The following ZDHHC14 variants were observed in gnomAD, a reference collection of about 807,000 sequenced individuals.
The protein encoded by ZDHHC14 is palmitoyltransferase ZDHHC14.
ZDHHC14 carries 16 observed loss-of-function variants against 47.7 expected under a neutral mutation model. That is an observed-to-expected ratio of 0.34 (90% confidence interval 0.23 to 0.51). The LOEUF is 0.51. ZDHHC14 is among the 20% of genes least tolerant of loss of function. The probability of loss-of-function intolerance (pLI) is 0.97; values close to 1 mark genes in which losing one functional copy is unlikely to be tolerated. For missense variants in ZDHHC14, 515 were observed against 662.5 expected, an observed-to-expected ratio of 0.78 and a Z score of 2.44; for synonymous variants, 293 against 278.9, an observed-to-expected ratio of 1.05 and a Z score of -0.50.
chr6:157,565,879 C>G (rs966293424), intron 2 of ZDHHC14, among the ~76,000 whole-genome samples: 1 of 151,972 alleles, frequency 6.6e-6, no homozygotes, highest in South Asian at 2.1e-4. Flanking sequence ...AGGAACCTCT[C>G]TCTCCAGCCC....
chr6:157,646,478 T>C (rs986673976), intron 6 of ZDHHC14: 2 of 152,062 alleles, frequency 1.3e-5, no homozygotes, highest in African/African-American at 4.8e-5. Flanking sequence ...CCGGGTGTGG[T>C]GGCAGGCGCT....
chr6:157,399,642 C>T (rs1159910420), intron 1 of ZDHHC14, among the ~76,000 whole-genome samples: 1 of 152,262 alleles, frequency 6.6e-6, no homozygotes, highest in Non-Finnish European at 1.5e-5. Context: ...GACTTCCCAC[C>T]ACTGGAGCGG....
At chr6:157,567,964 G>A (rs1015532951) in intron 2 of ZDHHC14, among the ~76,000 whole-genome samples, 3 of 152,164 alleles carry the variant, frequency 2.0e-5, no homozygotes, top group Admixed American at 1.3e-4. Flanking sequence ...AGCTGCAGGT[G>A]GCCCCAATGA....
chr6:157,628,956 A>G (rs971665175), intron 4 of ZDHHC14, among the ~76,000 whole-genome samples: 21 of 152,256 alleles, frequency 1.4e-4, no homozygotes, highest in African/African-American at 4.6e-4. Context: ...CACCCTCCCT[A>G]GAAAAGATGT....
chr6:157,671,021 C>A (rs370605187), intron 8 of ZDHHC14, among the ~76,000 whole-genome samples: 4 of 152,098 alleles, frequency 2.6e-5, no homozygotes, highest in Admixed American at 1.3e-4. Context: ...CTCAAGGCTG[C>A]GTTGTGCATG....
chr6:157,532,348 T>C (rs752918187), intron 1 of ZDHHC14, among the ~76,000 whole-genome samples: 2 of 152,278 alleles, frequency 1.3e-5, no homozygotes, highest in Non-Finnish European at 2.9e-5. Context: ...ACTGATGAGC[T>C]ATCCAGCGTT....
chr6:157,410,033 G>GT, intron 1 of ZDHHC14, among the ~76,000 whole-genome samples: 2 of 152,048 alleles, frequency 1.3e-5, no homozygotes, highest in Non-Finnish European at 2.9e-5. Flanking sequence ...GTATCACCAT[G>GT]TTGGCCAGGC....
intron 4 of ZDHHC14, among the ~76,000 whole-genome samples, chr6:157,629,166 T>G (rs542539675): frequency 2.7e-4 from 41 of 152,354 alleles, no homozygotes; most frequent in Non-Finnish European, 4.3e-4. Context: ...CATTTTTTCA[T>G]TTTCCATTCT....
At position 157,649,350 on chromosome 6, in the gene ZDHHC14, G is replaced by A. The variant is rs371623040; in HGVS notation, c.965+1982G>A. On this transcript the variant is annotated intron_variant, in intron 7 of 8. Coordinates refer to ENST00000359775, the MANE Select transcript of ZDHHC14 (RefSeq NM_024630.3). ...ACATTTGCTTTGTTAAAGTGGGGCC[G>A]TAGCTTTCCTTGGGTCATTCTGGAG... 2.2e-4 allele frequency among the ~76,000 whole-genome samples: 34 copies of A among 152,340 alleles called. No homozygotes were observed. The East Asian group carries it at 5.4e-3, about 24-fold the overall frequency.
chr6:157,628,287 A>C, intron 3 of ZDHHC14, 62 bp from the exon 4 acceptor site: 1 of 1,558,848 alleles, frequency 6.4e-7, no homozygotes, highest in Non-Finnish European at 8.6e-7. Flanking sequence ...GGGCTCCTGC[A>C]AGTAAAAAGA....
chr6:157,665,546 A>G (rs1172068025), intron 8 of ZDHHC14, among the ~76,000 whole-genome samples: 1 of 152,214 alleles, frequency 6.6e-6, no homozygotes, highest in African/African-American at 2.4e-5. Context: ...TCCGGATAAG[A>G]AAGGTATTTC....
At chr6:157,531,745 T>C (rs1456102464) in intron 1 of ZDHHC14, among the ~76,000 whole-genome samples, 1 of 152,204 alleles carries the variant, frequency 6.6e-6, no homozygotes, top group Non-Finnish European at 1.5e-5. Context: ...TGAAGGAGAC[T>C]CAGTCATCTC....
intron 3 of ZDHHC14, among the ~76,000 whole-genome samples, chr6:157,607,868 G>T (rs375120244): frequency 2.6e-5 from 4 of 152,212 alleles, no homozygotes; most frequent in African/African-American, 9.6e-5. Flanking sequence ...TCCAAGCTCC[G>T]CATGGGCTTT....
chr6:157,666,393 T>C (rs1210234856), intron 8 of ZDHHC14, among the ~76,000 whole-genome samples: 2 of 152,140 alleles, frequency 1.3e-5, no homozygotes, highest in Non-Finnish European at 2.9e-5. Flanking sequence ...CTCCATGTAA[T>C]CTGAAAAATC....
Position 157,602,056 on chromosome 6 carries a change from G to T in ZDHHC14, c.565+8910G>T, listed in dbSNP as rs574519780. On this transcript the variant is annotated intron_variant, in intron 3 of 8. Coordinates refer to ENST00000359775, the MANE Select transcript of ZDHHC14 (RefSeq NM_024630.3). ...GTCTCTACTAAAAATACAAAAATTG[G>T]CTGGGCATGGTAGCACACCCCTGTA... Among the ~76,000 whole-genome samples the T allele has an allele frequency of 2.0e-5, 3 of 152,128 alleles. No individual in the cohort carries two copies. In the South Asian group the frequency reaches 6.2e-4, roughly 32 times the overall value.
intron 2 of ZDHHC14, among the ~76,000 whole-genome samples, chr6:157,549,395 G>A (rs1782128598): frequency 1.3e-5 from 2 of 152,268 alleles, no homozygotes; most frequent in East Asian, 1.9e-4. Context: ...TTTTCTAGTG[G>A]GACGCTCACT....
At chr6:157,588,442 G>C (rs1783776564) in intron 2 of ZDHHC14, among the ~76,000 whole-genome samples, 1 of 152,178 alleles carries the variant, frequency 6.6e-6, no homozygotes, top group South Asian at 2.1e-4. Flanking sequence ...CAGGGTGACA[G>C]AGTGAGACTA....
intron 1 of ZDHHC14, among the ~76,000 whole-genome samples, chr6:157,514,299 C>T (rs1780600122): frequency 6.6e-6 from 1 of 152,196 alleles, no homozygotes; most frequent in Non-Finnish European, 1.5e-5. Flanking sequence ...TACCGTCACT[C>T]CCCTCTCAGG....
At chr6:157,546,797 C>A (rs1781989409) in intron 2 of ZDHHC14, among the ~76,000 whole-genome samples, 1 of 152,156 alleles carries the variant, frequency 6.6e-6, no homozygotes, top group African/African-American at 2.4e-5. Flanking sequence ...AGGGATAGAC[C>A]TTTCCAGGGA....
Sources: allele counts gnomAD v4.1 joint callset (sites outside exome capture counted in the v4.1 genomes callset), GRCh38; gene constraint gnomAD v4.1.1; transcripts MANE v1.5; gene names NCBI Gene and HGNC (gene_info 2026-07-23, HGNC 2026-07-21).